SPIRE1: variants seen among roughly 807,000 people sequenced by gnomAD.
The protein encoded by SPIRE1 is protein spire homolog 1.
SPIRE1 carries 40 observed loss-of-function variants against 94.1 expected under a neutral mutation model. That is an observed-to-expected ratio of 0.43 (90% CI 0.33 to 0.55). The LOEUF is 0.55. SPIRE1 is among the 20% of genes least tolerant of loss of function. The pLI, the probability that SPIRE1 is intolerant of heterozygous loss-of-function variation, is 0.06. For missense variants in SPIRE1, 838 were observed against 975.2 expected (o/e 0.86, Z 1.87); for synonymous variants, 376 against 371.7 (o/e 1.01, Z -0.13).
intron 8 of SPIRE1, among the ~76,000 whole-genome samples, chr18:12,486,568 T>C (rs1226643679): frequency 1.3e-5 from 2 of 152,164 alleles, no homozygotes; most frequent in Non-Finnish European, 2.9e-5. Context: ...ATTGCCTGAG[T>C]TTGAACCTCA....
chr18:12,452,780 T>C (rs1255404863), intron 14 of SPIRE1, among the ~76,000 whole-genome samples: 2 of 152,220 alleles, frequency 1.3e-5, no homozygotes, highest in African/African-American at 4.8e-5. Flanking sequence ...GATAATCACA[T>C]CTTATTTTTT....
At chr18:12,658,658 C>T (rs1054333155), upstream of SPIRE1, 1 of 466,066 alleles carries the variant, frequency 2.1e-6, no homozygotes, top group African/African-American at 2.0e-5. Flanking sequence ...TGAAGCCTCC[C>T]CGCCGGGCCC....
upstream of SPIRE1, chr18:12,662,084 C>G (rs1016367403): frequency 1.2e-5 from 5 of 419,130 alleles, no homozygotes; most frequent in African/African-American, 2.1e-5. Context: ...CTGTGCTGCT[C>G]TGAGTCTTTC....
At chr18:12,588,337 T>A (rs759616031) in intron 2 of SPIRE1, 7 of 152,510 alleles carry the variant, frequency 4.6e-5, no homozygotes, top group Non-Finnish European at 1.0e-4. Flanking sequence ...ATCTATTCAC[T>A]ATAGTAAGTC....
intron 1 of SPIRE1, among the ~76,000 whole-genome samples, chr18:12,637,287 A>G (rs1381368992): frequency 6.7e-6 from 1 of 149,212 alleles, no homozygotes; most frequent in Non-Finnish European, 1.5e-5. Context: ...TGAACCCGGG[A>G]GGCAGAGCTT....
intron 2 of SPIRE1, among the ~76,000 whole-genome samples, chr18:12,580,562 G>T (rs1225347669): frequency 6.6e-6 from 1 of 152,198 alleles, no homozygotes; most frequent in Non-Finnish European, 1.5e-5. Context: ...GACCTCAGGT[G>T]ATCCACCTGC....
intron 14 of SPIRE1, 121 bp from the exon 15 acceptor site, chr18:12,452,633 C>T: frequency 1.0e-6 from 1 of 996,278 alleles, no homozygotes. Context: ...CTCCCTTCTT[C>T]TATTAGAATG....
intron 2 of SPIRE1, among the ~76,000 whole-genome samples, chr18:12,610,122 C>T (rs2037097174): frequency 6.6e-6 from 1 of 151,868 alleles, no homozygotes; most frequent in South Asian, 2.1e-4. Context: ...GTCTCCTTAT[C>T]GCTGCCATCT....
At position 12,549,454 on chromosome 18, in the gene SPIRE1, T is replaced by G. The variant is rs1181426355; in HGVS notation, c.373-2550A>C. Among the ~76,000 whole-genome samples, 14 of 119,864 alleles carry G rather than the reference T, an allele frequency of 1.2e-4. No individual in the cohort carries two copies. The South Asian group carries it at 2.0e-3, about 17-fold the overall frequency. The allele number at this position is 119,864 out of a possible 152,430, so 78.6% of individuals were successfully genotyped here. A position where few individuals can be genotyped will look rare whatever the true frequency, so the allele number is the denominator to read the frequency against. ...TGTTATTGTTGTTTTTTTTTTTTTT[T>G]TTTTTTTTTTTTTTTGGAGACAGAG... On this transcript the variant is annotated intron_variant, in intron 2 of 16. Transcript: ENST00000409402.
At position 12,449,421 on chromosome 18, in the gene SPIRE1, C is replaced by T; in HGVS notation, c.*217G>A. ...AAAGTAAGTTTCAAACTGTTGTCCT[C>T]TCTCAGTGCAAACGAGCAATTGGCG... On this transcript the variant is annotated 3_prime_UTR_variant, in exon 17 of 17. Coordinates refer to ENST00000409402, the MANE Select transcript of SPIRE1 (RefSeq NM_001128626.2). 1 of 577,744 alleles carries T rather than the reference C, an allele frequency of 1.7e-6. No individual in the cohort carries two copies. The highest frequency in any genetic ancestry group is 2.2e-5 in the South Asian group (1 of 46,336). 35.8% of individuals were successfully genotyped at this position (577,744 alleles called of 1,614,324 possible). A position where few individuals can be genotyped will look rare whatever the true frequency, so the allele number is the denominator to read the frequency against.
chr18:12,634,935 CAAAAA>C, intron 2 of SPIRE1, 122 bp downstream of exon 2: 14 of 432,118 alleles, frequency 3.2e-5, no homozygotes, highest in Admixed American at 9.0e-5. Context: ...AAGTCCATCT[CAAAAA>C]AAAAAAAAAA....
intron 1 of SPIRE1, among the ~76,000 whole-genome samples, chr18:12,644,057 G>A (rs956129075): frequency 2.7e-5 from 4 of 150,648 alleles, no homozygotes; most frequent in African/African-American, 9.8e-5. Context: ...AAATTAGCTG[G>A]GCATGATGGC....
At chr18:12,467,669 C>T (rs994533005) in intron 10 of SPIRE1, among the ~76,000 whole-genome samples, 3 of 151,900 alleles carry the variant, frequency 2.0e-5, no homozygotes, top group East Asian at 1.9e-4. Context: ...TTTTTAAAGT[C>T]GGCTGGGCAC....
chr18:12,634,840 C>T (rs534760287), intron 2 of SPIRE1, among the ~76,000 whole-genome samples: 5 of 151,574 alleles, frequency 3.3e-5, no homozygotes, highest in South Asian at 2.1e-4. Flanking sequence ...AAGGCTGAGG[C>T]GGGAGAATCG....
intron 2 of SPIRE1, among the ~76,000 whole-genome samples, chr18:12,603,002 T>C (rs1043953491): frequency 1.3e-5 from 2 of 152,302 alleles, no homozygotes; most frequent in South Asian, 2.1e-4. Flanking sequence ...GATAAGCTCA[T>C]TGAAAATACC....
chr18:12,615,345 A>AAAAAAAAAAATATATATATATATAT, intron 2 of SPIRE1, among the ~76,000 whole-genome samples: 1 of 17,236 alleles, frequency 5.8e-5, no homozygotes, highest in African/African-American at 1.2e-4. Context: ...AAAAAAAAAA[A>AAAAAAAAAAATATATATATATATAT]ATATATATAT....
rs143445341 is a variant in SPIRE1 at position 12,525,649 on chromosome 18, G to A, written c.729+9827C>T. ...TCAGATCCCATGTGTATAGAACTTC[G>A]TGACTATACACACGGGAACCTGCTT... On this transcript the variant is annotated intron_variant, in intron 4 of 16. Transcript: ENST00000409402. Among the ~76,000 whole-genome samples, 90 of 152,038 alleles carry A rather than the reference G, an allele frequency of 5.9e-4. 1 individual carries two copies. Among genetic ancestry groups the A allele is most frequent in the African/African-American group, 1.8e-3 (74 of 41,488 alleles).
At chr18:12,491,733 T>A (rs1598927234) in intron 8 of SPIRE1, among the ~76,000 whole-genome samples, 1 of 152,032 alleles carries the variant, frequency 6.6e-6, no homozygotes. Context: ...ATCACGAAGG[T>A]CACACAACAG....
chr18:12,651,671 T>G (rs895804893), intron 1 of SPIRE1, among the ~76,000 whole-genome samples: 8 of 151,976 alleles, frequency 5.3e-5, no homozygotes, highest in African/African-American at 1.9e-4. Flanking sequence ...AGACTCCATC[T>G]CAAAAAAACA....
Sources: allele counts gnomAD v4.1 joint callset (sites outside exome capture counted in the v4.1 genomes callset), GRCh38; gene constraint gnomAD v4.1.1; transcripts MANE v1.5; gene names NCBI Gene and HGNC (gene_info 2026-07-23, HGNC 2026-07-21).